The following TJP3 variants were observed in gnomAD, a reference collection of about 807,000 sequenced individuals.
The protein encoded by TJP3 is tight junction protein 3, also known as tight junction protein ZO-3.
A neutral mutation model predicts 104.2 loss-of-function variants in TJP3; 85 were observed. The ratio of observed to expected loss-of-function variants is 0.82; its 90% CI spans 0.68 to 0.98. The LOEUF (loss-of-function observed/expected upper bound fraction) is 0.98. Ranked by LOEUF, TJP3 falls within the 50% of genes least tolerant of loss-of-function variation. The pLI, the probability that TJP3 is intolerant of heterozygous loss-of-function variation, is 0.00. For synonymous variants in TJP3, 550 were observed against 550.6 expected, an observed-to-expected ratio of 1.00 and a Z score of 0.02; for missense variants, 1,367 against 1,322.8, an observed-to-expected ratio of 1.03 and a Z score of -0.52.
chr19:3,733,652 G>C, intron 6 of TJP3, 101 bp from the exon 7 acceptor site: 1 of 1,523,628 alleles, frequency 6.6e-7, no homozygotes. Context: ...AGCAACCTCT[G>C]GGGGAATTGT....
intron 1 of TJP3, among the ~76,000 whole-genome samples, chr19:3,727,683 G>A (rs2036614617): frequency 6.6e-6 from 1 of 151,920 alleles, no homozygotes; most frequent in Non-Finnish European, 1.5e-5. Flanking sequence ...GATCAGTTGA[G>A]GTCAGGAGTT....
Position 3,736,256 on chromosome 19 carries a change from T to C in TJP3, c.1219T>C (p.Ser407Pro). 1 of 1,561,924 alleles carries C rather than the reference T, an allele frequency of 6.4e-7. No individual in the cohort carries two copies. The highest frequency in any genetic ancestry group is 1.9e-5 in the Admixed American group (1 of 51,656). ...AGGNDVGIFV[S>P]GVQAGSPADG... is the part of the protein sequence containing the mutation. ...GGGCAATGACGTGGGCATCTTCGTG[T>C]CCGGGGTGCAGGCGGGCAGCCCGGC... Residue 407 changes from serine to proline, a missense_variant, in exon 11 of 21, where the codon TCC becomes CCC. Ser to Pro is a moderately conservative substitution (Grantham distance 74). Coordinates refer to ENST00000541714, the MANE Select transcript of TJP3 (RefSeq NM_001267560.2).
At chr19:3,724,344 G>A (rs113913018) in intron 1 of TJP3, among the ~76,000 whole-genome samples, 6 of 151,392 alleles carry the variant, frequency 4.0e-5, no homozygotes, top group South Asian at 2.1e-4. Context: ...TACAGGCGCC[G>A]GCCACCACGC....
chr19:3,730,461 AG>A lies in TJP3; in HGVS notation c.370del (p.Val124TrpfsTer67). On this transcript the variant is annotated frameshift_variant, in exon 5 of 21. Transcript: ENST00000541714. LOFTEE classifies it high-confidence loss of function. This position sits in a 1 kb window ranked among gnomAD's most constrained non-coding sequence, Gnocchi z 7.3. ...DEDDGPQRVE[E>X]VDQGRGYDGD... ...GACGATGGGCCCCAGCGGGTGGAGG[AG>A]GTGGACCAGGGCCGGGGCTATGACG... 2 of 1,585,696 alleles carry A rather than the reference AG, an allele frequency of 1.3e-6. No individual in the cohort carries two copies. The highest frequency in any genetic ancestry group is 1.7e-6 in the Non-Finnish European group (2 of 1,166,496).
rs1189506381 is a variant in TJP3, at chr19:3,746,657, C to A, written c.2183C>A (p.Ala728Asp). Reference sequence around the variant, plus strand: ...AGCACCCGTCGCCTCTACGCACAAGCCCAGAAGCTGCGAAAACACAGCAGC... The same window carrying A: ...AGCACCCGTCGCCTCTACGCACAAGACCAGAAGCTGCGAAAACACAGCAGC... ...RRSTRRLYAQ[A>D]QKLRKHSSHL... is the part of the protein sequence containing the mutation. Residue 728 changes from alanine to aspartate, a missense_variant, in exon 17 of 21, where the codon GCC (alanine) becomes GAC (aspartate). Physicochemically the swap from Ala to Asp is moderately radical, Grantham distance 126. Coordinates refer to ENST00000541714, the MANE Select transcript of TJP3 (RefSeq NM_001267560.2). The surrounding 1 kb of genome is among the most constrained non-coding windows in gnomAD (Gnocchi z 4.1). 5 of 1,613,288 alleles carry A rather than the reference C, an allele frequency of 3.1e-6. No individual in the cohort carries two copies. The highest frequency in any genetic ancestry group is 3.3e-4 in the Middle Eastern group (2 of 6,050).
Position 3,733,818 on chromosome 19 carries a change from A to G in TJP3, c.783A>G (p.Glu261=). Residue 261 remains glutamate (E), a synonymous_variant, in exon 7 of 21, where the codon GAA becomes GAG. Coordinates refer to ENST00000541714, the MANE Select transcript of TJP3 (RefSeq NM_001267560.2). Reference sequence around the variant, plus strand: ...CCCGGCGACTGATTGAGAAGTCAGAAGGGAAGCTAAGCCTGCTGGTGCTGA... The same window carrying G: ...CCCGGCGACTGATTGAGAAGTCAGAGGGGAAGCTAAGCCTGCTGGTGCTGA... ...NDTRRLIEKS[E]GKLSLLVLRD... The G allele has an allele frequency of 6.2e-7, 1 of 1,614,206 alleles. No homozygotes were observed. The highest frequency in any genetic ancestry group is 8.5e-7 in the Non-Finnish European group (1 of 1,180,032).
chr19:3,735,243 A>T (rs564729783), intron 8 of TJP3, among the ~76,000 whole-genome samples: 9 of 152,096 alleles, frequency 5.9e-5, no homozygotes, highest in Non-Finnish European at 1.3e-4. Flanking sequence ...TCTGTCGCCC[A>T]GGCTGGAGTG....
Position 3,730,727 on chromosome 19 carries a change from G to A in TJP3, c.613+21G>A, listed in dbSNP as rs755697105. On this transcript the variant is annotated intron_variant, in intron 5 of 20. Transcript: ENST00000541714. This position sits in a 1 kb window ranked among gnomAD's most constrained non-coding sequence, Gnocchi z 7.3. ...CGAAGGTCAGAAGAGGCGGGAGGTCGGACACGATCAGTACTGGACACAGGG... is the reference window on the plus strand; with the variant it reads ...CGAAGGTCAGAAGAGGCGGGAGGTCAGACACGATCAGTACTGGACACAGGG... 78 of 1,598,338 alleles carry A rather than the reference G, an allele frequency of 4.9e-5. No homozygotes were observed. In the Admixed American group the frequency reaches 8.0e-4, roughly 16 times the overall value.
chr19:3,733,171 GACCACAGGCGCCCACC>G (rs987670502), intron 6 of TJP3, among the ~76,000 whole-genome samples: 7 of 151,636 alleles, frequency 4.6e-5, no homozygotes, highest in African/African-American at 7.3e-5. Flanking sequence ...GAGTAGCTGG[GACCACAGGCGCCCACC>G]ACCACGCCCT....
intron 12 of TJP3, 113 bp from the exon 13 acceptor site, chr19:3,738,784 C>T (rs1203459203): frequency 1.1e-5 from 15 of 1,333,978 alleles, no homozygotes; most frequent in Admixed American, 1.9e-5. Context: ...ATCCCTCTCC[C>T]TGGCCCCTAC....
intron 11 of TJP3, among the ~76,000 whole-genome samples, chr19:3,738,046 T>C (rs1357348045): frequency 6.6e-6 from 1 of 151,342 alleles, no homozygotes; most frequent in Non-Finnish European, 1.5e-5. Context: ...GCTGTGTCTG[T>C]ATATTGCTGT....
chr19:3,728,627 T>G lies in TJP3; in HGVS notation c.72T>G (p.Ile24Met). ...LSKDPRRGFG[I>M]AISGGRDRPG... ...AGGACCCCCGCCGGGGCTTTGGCATTGCGATCTCTGGAGGCCGAGACCGGC... is the reference window on the plus strand; with the variant it reads ...AGGACCCCCGCCGGGGCTTTGGCATGGCGATCTCTGGAGGCCGAGACCGGC... Residue 24 changes from isoleucine to methionine, a missense_variant, in exon 3 of 21, where the codon ATT (isoleucine) becomes ATG (methionine). Ile to Met is a conservative substitution (Grantham distance 10). Transcript: ENST00000541714. 2.5e-6 allele frequency: 4 copies of G among 1,613,524 alleles called. No homozygotes were observed. The highest frequency in any genetic ancestry group is 3.4e-6 in the Non-Finnish European group (4 of 1,179,946).
At chr19:3,715,912 G>A (rs2145664425) in intron 1 of TJP3, among the ~76,000 whole-genome samples, 1 of 152,030 alleles carries the variant, frequency 6.6e-6, no homozygotes, top group South Asian at 2.1e-4. Context: ...CCGAGTAGCT[G>A]GGATTACAGG....
intron 1 of TJP3, among the ~76,000 whole-genome samples, chr19:3,714,717 C>G (rs2036461779): frequency 6.6e-6 from 1 of 151,968 alleles, no homozygotes; most frequent in South Asian, 2.1e-4. Flanking sequence ...CCATCCTGGC[C>G]CTGATCCACT....
Position 3,746,686 on chromosome 19 carries a change from C to T in TJP3, c.2212C>T (p.Leu738Phe), listed in dbSNP as rs962773584. The T allele has an allele frequency of 1.9e-6, 3 of 1,611,456 alleles. No individual in the cohort carries two copies. The highest frequency in any genetic ancestry group is 2.7e-5 in the African/African-American group (2 of 74,932). Reference sequence around the variant, plus strand: ...GAAGCTGCGAAAACACAGCAGCCACCTCTTCACAGGTTGGGGGGTGGGTGT... The same window carrying T: ...GAAGCTGCGAAAACACAGCAGCCACTTCTTCACAGGTTGGGGGGTGGGTGT... Reference protein sequence around the residue: ...AQKLRKHSSHLFTATIPLNGT... With the variant: ...AQKLRKHSSHFFTATIPLNGT... Residue 738 changes from leucine to phenylalanine, a missense_variant, in exon 17 of 21, where the codon CTC becomes TTC. By Grantham distance (22) the Leu-to-Phe change is conservative. Coordinates refer to ENST00000541714, the MANE Select transcript of TJP3 (RefSeq NM_001267560.2). The surrounding 1 kb of genome is among the most constrained non-coding windows in gnomAD (Gnocchi z 4.1).
intron 1 of TJP3, chr19:3,721,854 C>G: frequency 8.3e-7 from 1 of 1,205,204 alleles, no homozygotes; most frequent in Non-Finnish European, 1.0e-6. Flanking sequence ...TTTCCAGGAC[C>G]CCCTCGGGTA....
In TJP3 at chr19:3,729,887, T is replaced by C. The variant is rs983855542; in HGVS notation, c.159-141T>C. 4.5e-6 allele frequency: 3 copies of C among 661,758 alleles called. No individual in the cohort carries two copies. In the African/African-American group the frequency reaches 5.4e-5, roughly 12 times the overall value. The allele number at this position is 661,758 out of a possible 1,614,324, so 41.0% of individuals were successfully genotyped here. A position where few individuals can be genotyped will look rare whatever the true frequency, so the allele number is the denominator to read the frequency against. On this transcript the variant is annotated intron_variant, in intron 3 of 20. Coordinates refer to ENST00000541714, the MANE Select transcript of TJP3 (RefSeq NM_001267560.2). The stretch of plus-strand genomic sequence containing the variant: ...CGGAGGCCCAGAAGGATAAATGTCT[T>C]TGTGAACCTAGGGACACCAATGAAT...
intron 14 of TJP3, among the ~76,000 whole-genome samples, chr19:3,743,039 G>A (rs1388761905): frequency 2.0e-5 from 3 of 152,118 alleles, no homozygotes; most frequent in African/African-American, 7.2e-5. Context: ...GCCGAGGCGG[G>A]CGGATCACGA....
chr19:3,743,448 A>G (rs544391901), intron 14 of TJP3, among the ~76,000 whole-genome samples: 7 of 152,274 alleles, frequency 4.6e-5, no homozygotes, highest in Non-Finnish European at 1.0e-4. Context: ...CATAGTAACT[A>G]TTTTAGGCTT....
Sources: allele counts gnomAD v4.1 joint callset (sites outside exome capture counted in the v4.1 genomes callset), GRCh38; gene constraint gnomAD v4.1.1; non-coding constraint Gnocchi (gnomAD v3.1); transcripts MANE v1.5; gene names NCBI Gene and HGNC (gene_info 2026-07-23, HGNC 2026-07-21).